Variants in EHMT1 observed in about 807,000 individuals in gnomAD.
The protein encoded by EHMT1 is euchromatic histone lysine methyltransferase 1.
EHMT1 carries 15 observed loss-of-function variants against 147.2 expected under a neutral mutation model. The ratio of observed to expected loss-of-function variants is 0.10; its 90% CI spans 0.07 to 0.16. The LOEUF is 0.16. Among genes scored for constraint, EHMT1 ranks in the 10% least tolerant of loss-of-function variants. EHMT1 has a pLI of 1.00. For missense variants in EHMT1, 1,587 were observed against 1,772.4 expected (o/e 0.90, Z 1.88); for synonymous variants, 795 against 709.6 (o/e 1.12, Z -1.91).
At chr9:137,744,756 G>A (rs562279391) in intron 6 of EHMT1, among the ~76,000 whole-genome samples, 13 of 152,380 alleles carry the variant, frequency 8.5e-5, no homozygotes, top group East Asian at 5.8e-4. Context: ...ACCACACATG[G>A]GCCAGGCGTG....
At chr9:137,757,169 A>G (rs2136259323) in intron 8 of EHMT1, among the ~76,000 whole-genome samples, 1 of 152,362 alleles carries the variant, frequency 6.6e-6, no homozygotes, top group South Asian at 2.1e-4. Context: ...GGAAGTGTGG[A>G]CAGGCTGGCC....
At chr9:137,791,109 C>T in intron 16 of EHMT1, 139 bp downstream of exon 16, 2 of 1,419,588 alleles carry the variant, frequency 1.4e-6, no homozygotes, top group Admixed American at 3.6e-5. Context: ...ATAGTTCCTT[C>T]ATCTCACTTT....
At chr9:137,648,705 T>C (rs1845086086) in intron 1 of EHMT1, among the ~76,000 whole-genome samples, 1 of 152,072 alleles carries the variant, frequency 6.6e-6, no homozygotes, top group South Asian at 2.1e-4. Flanking sequence ...ACATGTTAGT[T>C]CTCCCAAGTT....
chr9:137,772,174 A>G (rs1950629465), intron 10 of EHMT1, among the ~76,000 whole-genome samples: 1 of 152,176 alleles, frequency 6.6e-6, no homozygotes, highest in Non-Finnish European at 1.5e-5. Flanking sequence ...CTAAAATGGC[A>G]TCATTTTACC....
chr9:137,686,992 G>A lies in EHMT1; in HGVS notation c.22-23975G>A, dbSNP rs1300783214. 2.0e-5 allele frequency among the ~76,000 whole-genome samples: 3 copies of A among 152,150 alleles called. No individual in the cohort carries two copies. In the East Asian group the frequency reaches 5.8e-4, roughly 29 times the overall value. On this transcript the variant is annotated intron_variant, in intron 1 of 26. Coordinates refer to ENST00000460843, the MANE Select transcript of EHMT1 (RefSeq NM_024757.5). ...GATCCACCCGCCTCGGCCTCCCAAA[G>A]TGCTGGAATTACAGGCATGAGCCAC...
At chr9:137,624,000 CT>C (rs34882647) in intron 1 of EHMT1, among the ~76,000 whole-genome samples, 27,344 of 131,316 alleles carry the variant, frequency 0.21, 2,914 homozygotes, top group African/African-American at 0.34. Context: ...TTCTTTCTTT[CT>C]TTTTTTTTTT....
chr9:137,780,426 C>T (rs1321540548), intron 14 of EHMT1, among the ~76,000 whole-genome samples: 11 of 123,802 alleles, frequency 8.9e-5, no homozygotes, highest in Admixed American at 1.6e-4. Context: ...GTGGTGATGA[C>T]GCTGAGATGT....
intron 6 of EHMT1, among the ~76,000 whole-genome samples, chr9:137,744,362 C>T (rs1469195217): frequency 1.3e-5 from 2 of 151,470 alleles, no homozygotes; most frequent in African/African-American, 4.9e-5. Context: ...CTTGTTTTCA[C>T]CCACGCTGCA....
intron 1 of EHMT1, among the ~76,000 whole-genome samples, chr9:137,659,589 T>C (rs1457556189): frequency 6.6e-6 from 1 of 151,412 alleles, no homozygotes; most frequent in African/African-American, 2.4e-5. Context: ...AGAGTCTCTG[T>C]TGCCCAGGCT....
chr9:137,817,410 T>C, intron 23 of EHMT1, 29 bp from the exon 24 acceptor site: 1 of 1,613,316 alleles, frequency 6.2e-7, no homozygotes, highest in Non-Finnish European at 8.5e-7. Flanking sequence ...GGCTGTGGCC[T>C]GGGTTCACCA....
At chr9:137,726,130 A>G (rs1038007650) in intron 3 of EHMT1, among the ~76,000 whole-genome samples, 6 of 152,164 alleles carry the variant, frequency 3.9e-5, no homozygotes, top group Non-Finnish European at 8.8e-5. Context: ...GGTAAAACAC[A>G]TAATATCAAA....
At chr9:137,735,995 T>C (rs1464414171) in intron 4 of EHMT1, among the ~76,000 whole-genome samples, 1 of 152,050 alleles carries the variant, frequency 6.6e-6, no homozygotes, top group African/African-American at 2.4e-5. Context: ...CAACACTAAA[T>C]GGACAAAGGC....
intron 1 of EHMT1, among the ~76,000 whole-genome samples, chr9:137,691,128 C>G (rs1362665777): frequency 6.6e-6 from 1 of 151,994 alleles, no homozygotes; most frequent in Non-Finnish European, 1.5e-5. Flanking sequence ...TCTTGGCACC[C>G]ACCTTTCTAT....
intron 1 of EHMT1, among the ~76,000 whole-genome samples, chr9:137,696,180 A>G (rs2135036062): frequency 6.6e-6 from 1 of 152,360 alleles, no homozygotes; most frequent in African/African-American, 2.4e-5. Flanking sequence ...TCTCTCAGAT[A>G]TTGAAAGGAT....
chr9:137,780,588 G>T (rs1951355617), intron 14 of EHMT1, among the ~76,000 whole-genome samples: 1 of 145,280 alleles, frequency 6.9e-6, no homozygotes, highest in African/African-American at 2.6e-5. Context: ...ATGACGCTGG[G>T]ATGTGTGGTG....
At chr9:137,701,750 C>T (rs1215297153) in intron 1 of EHMT1, among the ~76,000 whole-genome samples, 3 of 148,778 alleles carry the variant, frequency 2.0e-5, no homozygotes, top group East Asian at 2.0e-4. Context: ...GCCTCAGCCT[C>T]CTGAATAGCT....
chr9:137,671,115 G>T (rs1249005266), intron 1 of EHMT1, among the ~76,000 whole-genome samples: 2 of 152,214 alleles, frequency 1.3e-5, no homozygotes, highest in African/African-American at 4.8e-5. Flanking sequence ...ACAGATTAGT[G>T]AGGGTGTCTT....
At chr9:137,830,192 G>GA (rs1278808289) in intron 25 of EHMT1, among the ~76,000 whole-genome samples, 1 of 152,042 alleles carries the variant, frequency 6.6e-6, no homozygotes, top group Non-Finnish European at 1.5e-5. Flanking sequence ...TGGCCATGGG[G>GA]AGCCCATGCA....
chr9:137,823,398 C>T (rs1435366813), intron 25 of EHMT1: 6 of 370,074 alleles, frequency 1.6e-5, no homozygotes, highest in South Asian at 3.7e-5. Flanking sequence ...GCACCGCACC[C>T]GGCCAACGCC....
Sources: gnomAD v4.1 joint callset for allele counts (sites outside exome capture counted in the v4.1 genomes callset) on GRCh38, gnomAD v4.1.1 for gene constraint, MANE v1.5 for transcripts, NCBI Gene and HGNC (gene_info 2026-07-23, HGNC 2026-07-21) for gene names.